Variants in AUTS2 observed in about 807,000 individuals in gnomAD.
AUTS2 encodes the protein autism susceptibility gene 2 protein.
A neutral mutation model predicts 112.4 loss-of-function variants in AUTS2; 17 were observed. That is an observed-to-expected ratio of 0.15 (90% confidence interval 0.10 to 0.23). AUTS2 has a LOEUF of 0.23. Among genes scored for constraint, AUTS2 ranks in the 10% least tolerant of loss-of-function variants. The probability of loss-of-function intolerance (pLI) is 1.00; values close to 1 mark genes in which losing one functional copy is unlikely to be tolerated. For missense variants in AUTS2, 1,510 were observed against 1,701.6 expected (o/e 0.89, Z 1.98); for synonymous variants, 751 against 702.7 (o/e 1.07, Z -1.09).
intron 2 of AUTS2, among the ~76,000 whole-genome samples, chr7:70,054,787 C>T (rs556199895): frequency 6.6e-6 from 1 of 152,226 alleles, no homozygotes; most frequent in South Asian, 2.1e-4. Context: ...GTAATCAAAA[C>T]ACTGGAATAC....
At chr7:70,467,783 C>G (rs1472479313) in intron 5 of AUTS2, among the ~76,000 whole-genome samples, 1 of 152,186 alleles carries the variant, frequency 6.6e-6, no homozygotes, top group Non-Finnish European at 1.5e-5. Flanking sequence ...TTGAGGCTGT[C>G]CTTAACCTCC....
intron 5 of AUTS2, among the ~76,000 whole-genome samples, chr7:70,633,252 C>T (rs1268955071): frequency 6.6e-6 from 1 of 152,172 alleles, no homozygotes; most frequent in African/African-American, 2.4e-5. Context: ...GGAGGATTCT[C>T]CACAGCACAG....
intron 4 of AUTS2, among the ~76,000 whole-genome samples, chr7:70,307,840 C>G (rs528713327): frequency 1.6e-4 from 24 of 151,910 alleles, no homozygotes; most frequent in Non-Finnish European, 3.2e-4. Flanking sequence ...AGCTTTGAAA[C>G]ATTTTGAGGG....
chr7:69,905,190 C>A (rs1562960753), intron 2 of AUTS2, among the ~76,000 whole-genome samples: 2 of 152,158 alleles, frequency 1.3e-5, no homozygotes, highest in African/African-American at 2.4e-5. Flanking sequence ...CACTTAACTT[C>A]AGTGAGATAC....
At chr7:70,062,260 C>T (rs977314672) in intron 2 of AUTS2, among the ~76,000 whole-genome samples, 1 of 151,642 alleles carries the variant, frequency 6.6e-6, no homozygotes, top group Non-Finnish European at 1.5e-5. Context: ...CCTGTAATCC[C>T]AGCACTTTGG....
intron 5 of AUTS2, among the ~76,000 whole-genome samples, chr7:70,521,546 A>G (rs1331261454): frequency 6.6e-6 from 1 of 152,188 alleles, no homozygotes; most frequent in African/African-American, 2.4e-5. Context: ...AGTTTCTGTC[A>G]AAATGTATTA....
At chr7:69,755,647 T>C (rs141775297) in intron 1 of AUTS2, among the ~76,000 whole-genome samples, 2 of 152,328 alleles carry the variant, frequency 1.3e-5, no homozygotes, top group Non-Finnish European at 2.9e-5. Context: ...TACAGTATAT[T>C]GTGCCCCTGT....
chr7:70,679,595 T>C (rs538242235), intron 5 of AUTS2, among the ~76,000 whole-genome samples: 1 of 136,414 alleles, frequency 7.3e-6, no homozygotes, highest in African/African-American at 2.6e-5. Flanking sequence ...AGCCAAACTT[T>C]CATGTTAAAA....
At chr7:70,529,895 T>C (rs1407570562) in intron 5 of AUTS2, among the ~76,000 whole-genome samples, 4 of 152,222 alleles carry the variant, frequency 2.6e-5, no homozygotes, top group Admixed American at 6.5e-5. Flanking sequence ...AAAGGATAGC[T>C]GAGGTCAGTC....
intron 2 of AUTS2, among the ~76,000 whole-genome samples, chr7:69,951,034 G>A (rs1797006241): frequency 6.6e-6 from 1 of 152,100 alleles, no homozygotes; most frequent in Non-Finnish European, 1.5e-5. Context: ...AGAAAGGGTG[G>A]ATTTGGAGAA....
chr7:69,935,494 C>T (rs1288288857), intron 2 of AUTS2, among the ~76,000 whole-genome samples: 1 of 151,912 alleles, frequency 6.6e-6, no homozygotes, highest in African/African-American at 2.4e-5. Flanking sequence ...AAAGTGCCAG[C>T]CTATTATGTT....
At chr7:70,695,160 G>C (rs1436457467) in intron 5 of AUTS2, 2 of 152,594 alleles carry the variant, frequency 1.3e-5, no homozygotes, top group African/African-American at 4.8e-5. Context: ...GGGTGGCAGG[G>C]GCGGGCTTCT....
intron 6 of AUTS2, among the ~76,000 whole-genome samples, chr7:70,747,732 CGCCTCA>C (rs1252146267): frequency 6.6e-6 from 1 of 152,072 alleles, no homozygotes; most frequent in Non-Finnish European, 1.5e-5. Flanking sequence ...GTGATCCGCC[CGCCTCA>C]GCCTCCCCAA....
intron 5 of AUTS2, among the ~76,000 whole-genome samples, chr7:70,535,881 G>A (rs1266622099): frequency 6.6e-6 from 1 of 152,186 alleles, no homozygotes; most frequent in Non-Finnish European, 1.5e-5. Context: ...AAAATAAAGA[G>A]CTATACTGTA....
chr7:70,043,690 A>G (rs771493661), intron 2 of AUTS2, among the ~76,000 whole-genome samples: 1 of 146,248 alleles, frequency 6.8e-6, no homozygotes, highest in Non-Finnish European at 1.5e-5. Context: ...GCTTACCACA[A>G]CCTCCACCTC....
At chr7:69,820,594 G>C (rs1369372443) in intron 1 of AUTS2, among the ~76,000 whole-genome samples, 1 of 152,238 alleles carries the variant, frequency 6.6e-6, no homozygotes, top group African/African-American at 2.4e-5. Context: ...GCGAAGGAGA[G>C]AATAAGGTGC....
Position 70,509,686 on chromosome 7 carries a change from G to A in AUTS2, c.690+73905G>A, listed in dbSNP as rs184286883. Among the ~76,000 whole-genome samples the A allele has an allele frequency of 7.2e-5, 11 of 152,120 alleles. No individual in the cohort carries two copies. The East Asian group carries it at 9.7e-4, about 13-fold the overall frequency. ...GTAACTCTTCCATCTTCTCTTTTTC[G>A]TGTCTTTTGACATTTTTGAGCATAG... On this transcript the variant is annotated intron_variant, in intron 5 of 18. Transcript: ENST00000342771.
In AUTS2 at chr7:70,775,258, A is replaced by G. The variant is rs75916693; in HGVS notation, c.1903-99A>G. ...CTTCATTTAAAAGTAAAATTCTAACATTTTAATTTCCCCTCCTAATGAAGC... is the reference window on the plus strand; with the variant it reads ...CTTCATTTAAAAGTAAAATTCTAACGTTTTAATTTCCCCTCCTAATGAAGC... On this transcript the variant is annotated intron_variant, in intron 12 of 18. Coordinates refer to ENST00000342771, the MANE Select transcript of AUTS2 (RefSeq NM_015570.4). The G allele has an allele frequency of 0.06, 62,172 of 1,034,088 alleles. 2,398 individuals carry two copies. The highest frequency in any genetic ancestry group is 0.077 in the Non-Finnish European group (51,998 of 674,894). The allele number at this position is 1,034,088 out of a possible 1,614,324, so 64.1% of individuals were successfully genotyped here. A position where few individuals can be genotyped will look rare whatever the true frequency, so the allele number is the denominator to read the frequency against.
chr7:69,665,841 G>A (rs978459704), intron 1 of AUTS2, among the ~76,000 whole-genome samples: 3 of 152,054 alleles, frequency 2.0e-5, no homozygotes, highest in African/African-American at 7.3e-5. Flanking sequence ...GCTTTATTGG[G>A]CATGTTGCTA....
Sources: gnomAD v4.1 joint callset for allele counts (sites outside exome capture counted in the v4.1 genomes callset) on GRCh38, gnomAD v4.1.1 for gene constraint, MANE v1.5 for transcripts, NCBI Gene and HGNC (gene_info 2026-07-23, HGNC 2026-07-21) for gene names.